RAB30: variants seen among roughly 807,000 people sequenced by gnomAD.
RAB30 encodes RAB30, member RAS oncogene family.
In RAB30, 9 loss-of-function variants were observed where a neutral mutation model predicts 25.1. The ratio of observed to expected loss-of-function variants is 0.36; its 90% CI spans 0.22 to 0.63. The LOEUF (loss-of-function observed/expected upper bound fraction) is 0.63, where lower values mean the gene tolerates loss of function less well. Among genes scored for constraint, RAB30 ranks in the 20% least tolerant of loss-of-function variants. The pLI, the probability that RAB30 is intolerant of heterozygous loss-of-function variation, is 0.69. For missense variants in RAB30, 140 were observed against 243.5 expected (o/e 0.58, Z 2.83); for synonymous variants, 77 against 86.4 (o/e 0.89, Z 0.60).
Position 82,997,282 on chromosome 11 carries a change from A to G in RAB30, c.35T>C (p.Ile12Thr). Reference sequence around the variant, plus strand: ...CACACCAGCGTTGCCAATTAAAACAATTTTGAACAGGAAATCATAATCTTC... The same window carrying G: ...CACACCAGCGTTGCCAATTAAAACAGTTTTGAACAGGAAATCATAATCTTC... Reference protein sequence around the residue: ...SMEDYDFLFKIVLIGNAGVGK... With the variant: ...SMEDYDFLFKTVLIGNAGVGK... Residue 12 changes from isoleucine (I) to threonine (T), a missense_variant, in exon 2 of 5, where the codon ATT becomes ACT. Coordinates refer to ENST00000527633, the MANE Select transcript of RAB30 (RefSeq NM_001286060.2). 1 of 1,612,582 alleles carries G rather than the reference A, an allele frequency of 6.2e-7. No homozygotes were observed. The highest frequency in any genetic ancestry group is 2.2e-5 in the East Asian group (1 of 44,880).
chr11:83,012,261 C>T (rs967763589), intron 1 of RAB30, among the ~76,000 whole-genome samples: 1 of 152,190 alleles, frequency 6.6e-6, no homozygotes, highest in Non-Finnish European at 1.5e-5. Context: ...GCCTCCAATG[C>T]TTTTAGAAAT....
chr11:83,017,965 T>C (rs1006738009), intron 1 of RAB30, among the ~76,000 whole-genome samples: 10 of 152,232 alleles, frequency 6.6e-5, no homozygotes, highest in East Asian at 3.8e-4. Flanking sequence ...CAGTTTTCCA[T>C]AGTGGTTGTA....
At chr11:83,068,223 G>A (rs1212865359) in intron 1 of RAB30, among the ~76,000 whole-genome samples, 1 of 151,722 alleles carries the variant, frequency 6.6e-6, no homozygotes, top group Non-Finnish European at 1.5e-5. Context: ...GCTTGAACCT[G>A]GGAGGCGGAG....
At chr11:83,057,924 C>T (rs947524691) in intron 1 of RAB30, among the ~76,000 whole-genome samples, 5 of 152,204 alleles carry the variant, frequency 3.3e-5, no homozygotes, top group African/African-American at 1.2e-4. Context: ...CGGCTTTGCC[C>T]ATCCTACAAT....
chr11:83,025,357 T>C (rs1365298718), intron 1 of RAB30, among the ~76,000 whole-genome samples: 1 of 152,218 alleles, frequency 6.6e-6, no homozygotes, highest in African/African-American at 2.4e-5. Context: ...TTAGGATGTT[T>C]ACACTGTTAT....
intron 1 of RAB30, among the ~76,000 whole-genome samples, chr11:83,047,334 C>T (rs186476751): frequency 1.4e-4 from 22 of 152,272 alleles, no homozygotes; most frequent in African/African-American, 5.3e-4. Context: ...TGAACAAACC[C>T]CTTGGGCAAA....
At chr11:83,068,123 CAAAAA>C (rs35256261) in intron 1 of RAB30, among the ~76,000 whole-genome samples, 1 of 115,252 alleles carries the variant, frequency 8.7e-6, no homozygotes. Context: ...GACTCTGTCT[CAAAAA>C]AAAAAAAAAA....
At chr11:83,043,980 G>T (rs1416736244) in intron 1 of RAB30, among the ~76,000 whole-genome samples, 1 of 152,144 alleles carries the variant, frequency 6.6e-6, no homozygotes, top group East Asian at 1.9e-4. Flanking sequence ...CTCATTAATA[G>T]TTAAGAAATG....
intron 1 of RAB30, chr11:83,034,445 A>G (rs912427721): frequency 1.3e-5 from 2 of 152,206 alleles, no homozygotes; most frequent in Non-Finnish European, 2.9e-5. Context: ...AAATCCTTCC[A>G]TAGCAGCCAC....
In RAB30 at chr11:82,973,470, A is replaced by G. The variant is rs1417756272; in HGVS notation, c.*8695T>C. The G allele has an allele frequency of 2.0e-5, 3 of 152,230 alleles. No individual in the cohort carries two copies. Among genetic ancestry groups the G allele is most frequent in the Non-Finnish European group, 4.4e-5 (3 of 68,044 alleles). The allele number at this position is 152,230 out of a possible 1,614,324, so 9.4% of individuals were successfully genotyped here. A position where few individuals can be genotyped will look rare whatever the true frequency, so the allele number is the denominator to read the frequency against. On this transcript the variant is annotated 3_prime_UTR_variant, in exon 5 of 5. Coordinates refer to ENST00000527633, the MANE Select transcript of RAB30 (RefSeq NM_001286060.2). ...GATTGAATGAGTACTCTTATCCAGC[A>G]TGATTTGTAGTTGTCCTTTAAACAA...
intron 2 of RAB30, among the ~76,000 whole-genome samples, chr11:82,994,539 A>G (rs1856920844): frequency 6.6e-6 from 1 of 152,224 alleles, no homozygotes; most frequent in Admixed American, 6.5e-5. Context: ...GGTTCTTTCT[A>G]AAAGATAAAA....
At chr11:83,066,958 C>T (rs1858714178) in intron 1 of RAB30, among the ~76,000 whole-genome samples, 1 of 152,046 alleles carries the variant, frequency 6.6e-6, no homozygotes, top group South Asian at 2.1e-4. Context: ...TTGAATAGGC[C>T]CTTAGTGACT....
chr11:83,015,701 C>A (rs1205997686), intron 1 of RAB30, among the ~76,000 whole-genome samples: 1 of 152,154 alleles, frequency 6.6e-6, no homozygotes, highest in African/African-American at 2.4e-5. Flanking sequence ...ATTTCAGAAC[C>A]TGGGCATATC....
intron 1 of RAB30, among the ~76,000 whole-genome samples, chr11:83,067,155 C>T (rs969074197): frequency 2.4e-4 from 36 of 152,116 alleles, no homozygotes; most frequent in African/African-American, 7.5e-4. Flanking sequence ...CCTCTTTGTA[C>T]GTGATTATTT....
chr11:82,988,316 A>G (rs1856781267), intron 3 of RAB30, among the ~76,000 whole-genome samples: 1 of 152,222 alleles, frequency 6.6e-6, no homozygotes, highest in Non-Finnish European at 1.5e-5. Context: ...TACAAAAGGC[A>G]TGATACAGGG....
chr11:83,009,166 T>G (rs527445778), intron 1 of RAB30, among the ~76,000 whole-genome samples: 18 of 151,860 alleles, frequency 1.2e-4, no homozygotes, highest in African/African-American at 4.4e-4. Context: ...CACCCCAGGT[T>G]CAAGCAATTC....
chr11:83,028,724 A>C (rs1293749603), intron 1 of RAB30, among the ~76,000 whole-genome samples: 2 of 152,254 alleles, frequency 1.3e-5, no homozygotes. Flanking sequence ...GAATAGAAGA[A>C]AGATACTTTA....
At chr11:82,998,198 G>A (rs774218344) in intron 1 of RAB30, among the ~76,000 whole-genome samples, 1 of 151,978 alleles carries the variant, frequency 6.6e-6, no homozygotes, top group South Asian at 2.1e-4. Flanking sequence ...CTAGCCCCTG[G>A]GACAGAGTTA....
chr11:83,069,020 T>C (rs1481399422), intron 1 of RAB30, among the ~76,000 whole-genome samples: 1 of 152,262 alleles, frequency 6.6e-6, no homozygotes, highest in African/African-American at 2.4e-5. Flanking sequence ...TCAATCAATA[T>C]AAATTGTCAG....
Sources: allele counts gnomAD v4.1 joint callset (sites outside exome capture counted in the v4.1 genomes callset), GRCh38; gene constraint gnomAD v4.1.1; transcripts MANE v1.5; gene names NCBI Gene and HGNC (gene_info 2026-07-23, HGNC 2026-07-21).